Variants in PALM observed in about 807,000 individuals in gnomAD.
PALM encodes the protein paralemmin-1.
Under a neutral mutation model 30.7 loss-of-function variants are expected in PALM, and 18 were observed. The observed-to-expected ratio is 0.59, with a 90% confidence interval of 0.41 to 0.87. The LOEUF (loss-of-function observed/expected upper bound fraction) is 0.87, where lower values mean the gene tolerates loss of function less well. Ranked by LOEUF, PALM falls within the 40% of genes least tolerant of loss-of-function variation. The probability of loss-of-function intolerance (pLI) is 0.00; values close to 1 mark genes in which losing one functional copy is unlikely to be tolerated. For synonymous variants in PALM, 286 were observed against 242.8 expected, an observed-to-expected ratio of 1.18 and a Z score of -1.66; for missense variants, 529 against 555.4, an observed-to-expected ratio of 0.95 and a Z score of 0.48.
intron 1 of PALM, among the ~76,000 whole-genome samples, chr19:722,065 C>T (rs989640598): frequency 7.9e-5 from 12 of 152,188 alleles, no homozygotes; most frequent in African/African-American, 2.9e-4. Context: ...ACTACAGGCA[C>T]CCGCCACCAC....
intron 1 of PALM, among the ~76,000 whole-genome samples, chr19:712,926 T>A (rs2032132316): frequency 6.6e-6 from 1 of 152,220 alleles, no homozygotes. Context: ...TCCGCCCAGC[T>A]GGGCCTCCCA....
chr19:725,097 G>A (rs1055955466), intron 1 of PALM, among the ~76,000 whole-genome samples: 1 of 150,852 alleles, frequency 6.6e-6, no homozygotes, highest in South Asian at 2.1e-4. Flanking sequence ...GCTAATTTTT[G>A]TATTTCTTGG....
chr19:734,295 C>A, intron 6 of PALM, 101 bp downstream of exon 6: 1 of 1,146,254 alleles, frequency 8.7e-7, no homozygotes, highest in Non-Finnish European at 1.3e-6. Flanking sequence ...CTCGGTGCCT[C>A]ACGCCTGTGA....
intron 7 of PALM, 107 bp downstream of exon 7, chr19:736,185 A>G: frequency 6.6e-6 from 5 of 762,874 alleles, no homozygotes; most frequent in Non-Finnish European, 1.1e-5. Flanking sequence ...TGCTCTCCGC[A>G]GCGTCTGACG....
chr19:723,953 C>G (rs2032578607), intron 1 of PALM, among the ~76,000 whole-genome samples: 1 of 151,314 alleles, frequency 6.6e-6, no homozygotes, highest in African/African-American at 2.4e-5. Context: ...GCCCACAGAC[C>G]AGGGAGGGGA....
intron 5 of PALM, 45 bp downstream of exon 5, chr19:731,290 C>T (rs777140333): frequency 1.3e-5 from 20 of 1,532,576 alleles, no homozygotes; most frequent in African/African-American, 2.8e-5. Flanking sequence ...CACCCACTCC[C>T]GCTGGCCCCA....
In PALM at chr19:709,964, A is replaced by T. The variant is rs559453512; in HGVS notation, c.5+813A>T. On this transcript the variant is annotated intron_variant, in intron 1 of 8. Transcript: ENST00000338448. This position sits in a 1 kb window ranked among gnomAD's most constrained non-coding sequence, Gnocchi z 4.3. ...GAGCGAGGGCGCGTGGTCATTTCGGACACCGGTCCCCTCCTCCCGGTGCTC... is the reference window on the plus strand; with the variant it reads ...GAGCGAGGGCGCGTGGTCATTTCGGTCACCGGTCCCCTCCTCCCGGTGCTC... Among the ~76,000 whole-genome samples the T allele has an allele frequency of 6.6e-6, 1 of 151,574 alleles. No homozygotes were observed. The highest frequency in any genetic ancestry group is 1.5e-5 in the Non-Finnish European group (1 of 67,904).
At chr19:743,151 C>T (rs914570286) in intron 8 of PALM, among the ~76,000 whole-genome samples, 13 of 152,308 alleles carry the variant, frequency 8.5e-5, no homozygotes, top group African/African-American at 2.2e-4. Context: ...TTGGCCTCTG[C>T]GGTGCCCCAG....
chr19:719,739 G>T, intron 1 of PALM: 1 of 630,714 alleles, frequency 1.6e-6, no homozygotes, highest in Non-Finnish European at 2.0e-6. Flanking sequence ...CCGATCACAC[G>T]GGAATGAGAC....
chr19:724,839 G>T (rs1238876753), intron 1 of PALM, among the ~76,000 whole-genome samples: 1 of 151,876 alleles, frequency 6.6e-6, no homozygotes, highest in Non-Finnish European at 1.5e-5. Context: ...GCCTAGGCTG[G>T]TCTCGAACTC....
In PALM at chr19:727,519, G is replaced by A. The variant is rs2032724610; in HGVS notation, c.139-45G>A. The A allele has an allele frequency of 2.7e-6, 4 of 1,489,604 alleles. No individual in the cohort carries two copies. The East Asian group carries it at 9.6e-5, about 36-fold the overall frequency. 92.3% of individuals were successfully genotyped at this position (1,489,604 alleles called of 1,614,324 possible). A position where few individuals can be genotyped will look rare whatever the true frequency, so the allele number is the denominator to read the frequency against. Reference sequence around the variant, plus strand: ...ACCTCAGTCTTAAGTCTTAACCCTGGCCCTGGTCCTGCCCACGACTCTGAC... The same window carrying A: ...ACCTCAGTCTTAAGTCTTAACCCTGACCCTGGTCCTGCCCACGACTCTGAC... On this transcript the variant is annotated intron_variant, in intron 3 of 8. Coordinates refer to ENST00000338448, the MANE Select transcript of PALM (RefSeq NM_002579.3).
At chr19:713,079 G>A (rs1238072815) in intron 1 of PALM, among the ~76,000 whole-genome samples, 1 of 152,200 alleles carries the variant, frequency 6.6e-6, no homozygotes, top group Non-Finnish European at 1.5e-5. Context: ...CATGGGTGGG[G>A]GGTTTGCTGC....
At chr19:713,939 C>T (rs1268596081) in intron 1 of PALM, among the ~76,000 whole-genome samples, 1 of 135,994 alleles carries the variant, frequency 7.4e-6, no homozygotes, top group Non-Finnish European at 1.6e-5. Context: ...GAGTCTCGCT[C>T]TGTCACCCAG....
In PALM at chr19:746,887, C is replaced by T; in HGVS notation, c.*73C>T. On this transcript the variant is annotated 3_prime_UTR_variant, in exon 9 of 9. Transcript: ENST00000338448. The surrounding 1 kb of genome is among the most constrained non-coding windows in gnomAD (Gnocchi z 7.1). The stretch of plus-strand genomic sequence containing the variant: ...CAGCCCGGCCCCTCCCGGCGCCTGC[C>T]CACCCTCCACCCACAGCCTCACGGG... 1.2e-6 allele frequency: 1 copy of T among 819,238 alleles called. No homozygotes were observed. Among genetic ancestry groups the T allele is most frequent in the Non-Finnish European group, 1.9e-6 (1 of 532,066 alleles). The allele number at this position is 819,238 out of a possible 1,614,324, so 50.7% of individuals were successfully genotyped here.
intron 3 of PALM, 38 bp from the exon 4 acceptor site, chr19:727,526 T>A (rs1411604585): frequency 6.5e-7 from 1 of 1,535,184 alleles, no homozygotes; most frequent in Non-Finnish European, 8.9e-7. Context: ...CTGGCCCTGG[T>A]CCTGCCCACG....
intron 1 of PALM, among the ~76,000 whole-genome samples, chr19:714,915 A>G (rs1318328117): frequency 6.6e-6 from 1 of 152,092 alleles, no homozygotes; most frequent in Non-Finnish European, 1.5e-5. Context: ...TCAGCCTCCC[A>G]AAGCGCTGGG....
chr19:726,958 T>TG, intron 2 of PALM, 50 bp from the exon 3 acceptor site: 1 of 1,044,076 alleles, frequency 9.6e-7, no homozygotes. Flanking sequence ...GGTGGGGGGG[T>TG]CTCCGGGACC....
Position 709,159 on chromosome 19 carries a change from G to A in PALM, c.5+8G>A. On this transcript the variant is annotated splice_region_variant and intron_variant, in intron 1 of 8. Transcript: ENST00000338448. The surrounding 1 kb of genome is among the most constrained non-coding windows in gnomAD (Gnocchi z 4.3). Reference sequence around the variant, plus strand: ...CCTCGGCGGGGAGATGGAGTGAGTAGGCGCGCTCGGGCCGCGGGGCTGGGG... The same window carrying A: ...CCTCGGCGGGGAGATGGAGTGAGTAAGCGCGCTCGGGCCGCGGGGCTGGGG... The A allele has an allele frequency of 9.3e-6, 3 of 323,326 alleles. No homozygotes were observed. The highest frequency in any genetic ancestry group is 1.7e-5 in the Non-Finnish European group (3 of 177,582). 20.0% of individuals were successfully genotyped at this position (323,326 alleles called of 1,614,324 possible). A position where few individuals can be genotyped will look rare whatever the true frequency, so the allele number is the denominator to read the frequency against.
chr19:737,790 G>A (rs906197274), intron 7 of PALM, among the ~76,000 whole-genome samples: 1 of 152,186 alleles, frequency 6.6e-6, no homozygotes, highest in Non-Finnish European at 1.5e-5. Flanking sequence ...TGAGGAGGGG[G>A]AGAGGGCGGA....
Sources: gnomAD v4.1 joint callset for allele counts (sites outside exome capture counted in the v4.1 genomes callset) on GRCh38, gnomAD v4.1.1 for gene constraint, Gnocchi (gnomAD v3.1) non-coding constraint, MANE v1.5 for transcripts, NCBI Gene and HGNC (gene_info 2026-07-23, HGNC 2026-07-21) for gene names.